The following NSD2 variants were observed in gnomAD, a reference collection of about 807,000 sequenced individuals.
The protein encoded by NSD2 is histone-lysine N-methyltransferase NSD2.
Under a neutral mutation model 139.0 loss-of-function variants are expected in NSD2, and 12 were observed. That is an observed-to-expected ratio of 0.09 (90% confidence interval 0.06 to 0.14). The LOEUF is 0.14. Ranked by LOEUF, NSD2 falls within the 10% of genes least tolerant of loss-of-function variation. The pLI is 1.00. For missense variants in NSD2, 1,155 were observed against 1,745.0 expected (o/e 0.66, Z 6.02); for synonymous variants, 669 against 648.7 (o/e 1.03, Z -0.48).
intron 1 of NSD2, among the ~76,000 whole-genome samples, chr4:1,882,109 G>A (rs1474261595): frequency 6.6e-6 from 1 of 152,208 alleles, no homozygotes; most frequent in African/African-American, 2.4e-5. Context: ...TGGTGCTGGG[G>A]AAGGTTCCGG....
intron 1 of NSD2, among the ~76,000 whole-genome samples, chr4:1,872,621 A>AGAGAGAGAGAGAGAGG (rs1713930817): frequency 6.9e-6 from 1 of 145,406 alleles, no homozygotes; most frequent in African/African-American, 2.6e-5. Flanking sequence ...AGAGAGAGAG[A>AGAGAGAGAGAGAGAGG]GAGAGAGAGA....
chr4:1,882,999 A>T (rs1331260344), intron 1 of NSD2, among the ~76,000 whole-genome samples: 1 of 152,072 alleles, frequency 6.6e-6, no homozygotes, highest in African/African-American at 2.4e-5. Context: ...GTGGTTGGCC[A>T]TTCTTGGGAT....
At chr4:1,894,222 G>C (rs1415489383) in intron 1 of NSD2, among the ~76,000 whole-genome samples, 1 of 152,134 alleles carries the variant, frequency 6.6e-6, no homozygotes, top group African/African-American at 2.4e-5. Flanking sequence ...CTCCCAAAGT[G>C]GTGGGATTAC....
chr4:1,923,338 ATTC>A (rs1269157068), intron 5 of NSD2, among the ~76,000 whole-genome samples: 1 of 150,848 alleles, frequency 6.6e-6, no homozygotes, highest in Non-Finnish European at 1.5e-5. Context: ...AAAAAAAAAA[ATTC>A]TTATGTGTCA....
At chr4:1,935,116 G>A (rs1337383561) in intron 6 of NSD2, 28 bp from the exon 7 acceptor site, 2 of 1,582,172 alleles carry the variant, frequency 1.3e-6, no homozygotes, top group Non-Finnish European at 1.7e-6. Flanking sequence ...TGGTTTTCAT[G>A]TACATTTTCC....
intron 9 of NSD2, chr4:1,944,311 G>T: frequency 9.4e-7 from 1 of 1,066,260 alleles, no homozygotes; most frequent in Non-Finnish European, 1.1e-6. Context: ...ACTTAGGGAG[G>T]ACCATTGGCT....
chr4:1,975,555 T>C, intron 20 of NSD2, 155 bp downstream of exon 20: 1 of 642,826 alleles, frequency 1.6e-6, no homozygotes, highest in Admixed American at 2.8e-5. Context: ...GGAGGATGGC[T>C]CTCAACAAAG....
chr4:1,923,038 C>A (rs541360252), intron 5 of NSD2, among the ~76,000 whole-genome samples: 2 of 152,162 alleles, frequency 1.3e-5, no homozygotes, highest in African/African-American at 4.8e-5. Flanking sequence ...AGGCCAGTTG[C>A]GTGGGAGGTC....
At chr4:1,881,232 A>G (rs1714671502) in intron 1 of NSD2, among the ~76,000 whole-genome samples, 1 of 151,870 alleles carries the variant, frequency 6.6e-6, no homozygotes, top group South Asian at 2.1e-4. Flanking sequence ...GTGTGCCACT[A>G]CACCTGGCTA....
At chr4:1,892,585 A>G (rs1307181787) in intron 1 of NSD2, among the ~76,000 whole-genome samples, 1 of 149,860 alleles carries the variant, frequency 6.7e-6, no homozygotes, top group Non-Finnish European at 1.5e-5. Context: ...TTTTTTTTTG[A>G]GACGGAGTCT....
chr4:1,938,659 C>T lies in NSD2; in HGVS notation c.1756+127C>T, dbSNP rs546244481. On this transcript the variant is annotated intron_variant, in intron 8 of 21. Transcript: ENST00000508803. ...GGGAACAGGGCAGGGGAGGAATCCA[C>T]AATTAAGCTAGGAGTGAAAAAGAAG... 16 of 658,528 alleles carry T rather than the reference C, an allele frequency of 2.4e-5. No individual in the cohort carries two copies. In the African/African-American group the frequency reaches 2.6e-4, roughly 11 times the overall value. 40.8% of individuals were successfully genotyped at this position (658,528 alleles called of 1,614,324 possible).
chr4:1,952,935 T>A (rs1029229577), intron 11 of NSD2: 1 of 1,422,496 alleles, frequency 7.0e-7, no homozygotes, highest in Non-Finnish European at 9.1e-7. Context: ...ACCTCACTTA[T>A]GGGAGTGTCT....
chr4:1,900,592 T>A (rs1201785519), intron 1 of NSD2, 34 bp from the exon 2 acceptor site: 1 of 1,422,080 alleles, frequency 7.0e-7, no homozygotes, highest in Non-Finnish European at 9.4e-7. Context: ...TGTAATTGCT[T>A]TTTCTTTCTT....
At chr4:1,878,991 C>T (rs911274320) in intron 1 of NSD2, among the ~76,000 whole-genome samples, 2 of 152,038 alleles carry the variant, frequency 1.3e-5, no homozygotes, top group Admixed American at 6.6e-5. Context: ...CTCTGTGAAC[C>T]AGGGGAAGGG....
intron 1 of NSD2, among the ~76,000 whole-genome samples, chr4:1,894,775 A>G (rs1716026703): frequency 6.6e-6 from 1 of 152,120 alleles, no homozygotes; most frequent in African/African-American, 2.4e-5. Context: ...TTGAAGGTAG[A>G]GGATTTTTGG....
chr4:1,952,854 C>CA, intron 11 of NSD2: 4 of 1,282,816 alleles, frequency 3.1e-6, no homozygotes, highest in Non-Finnish European at 2.0e-6. Flanking sequence ...TCTCCTATCT[C>CA]ACGTCAGAAC....
chr4:1,933,832 C>T (rs929670456), intron 6 of NSD2, among the ~76,000 whole-genome samples: 2 of 152,160 alleles, frequency 1.3e-5, no homozygotes, highest in South Asian at 2.1e-4. Flanking sequence ...AGAATTTGCA[C>T]TTACACCTTA....
rs1302235528 is a variant in NSD2 at position 1,948,170 on chromosome 4, A to AGGAGCTAAGCTGCTC, written c.1882-2895_1882-2881dup. 9.4e-7 allele frequency: 1 copy of AGGAGCTAAGCTGCTC among 1,063,134 alleles called. No homozygotes were observed. Among genetic ancestry groups the AGGAGCTAAGCTGCTC allele is most frequent in the African/African-American group, 1.6e-5 (1 of 60,894 alleles). The allele number at this position is 1,063,134 out of a possible 1,614,324, so 65.9% of individuals were successfully genotyped here. ...AGACTGAAGAAAACTTTGAAAAGTC[A>AGGAGCTAAGCTGCTC]GGAGCTAAGCTGCTCGGAGCTCAGT... On this transcript the variant is annotated intron_variant, in intron 9 of 21. Transcript: ENST00000508803. The surrounding 1 kb of genome is among the most constrained non-coding windows in gnomAD (Gnocchi z 4.5).
intron 1 of NSD2, among the ~76,000 whole-genome samples, chr4:1,897,546 CT>C (rs1258696517): frequency 1.3e-5 from 2 of 152,142 alleles, no homozygotes; most frequent in African/African-American, 4.8e-5. Flanking sequence ...AATGCCAGCA[CT>C]TTGGGAAGGA....
Sources: gnomAD v4.1 joint callset for allele counts (sites outside exome capture counted in the v4.1 genomes callset) on GRCh38, gnomAD v4.1.1 for gene constraint, Gnocchi (gnomAD v3.1) non-coding constraint, MANE v1.5 for transcripts, NCBI Gene and HGNC (gene_info 2026-07-23, HGNC 2026-07-21) for gene names.